The following ROBO4 variants were observed in gnomAD, a reference collection of about 807,000 sequenced individuals.
The protein encoded by ROBO4 is roundabout guidance receptor 4, also known as roundabout homolog 4.
Under a neutral mutation model 103.3 loss-of-function variants are expected in ROBO4, and 80 were observed. That is an observed-to-expected ratio of 0.77 (90% CI 0.65 to 0.93). The LOEUF (loss-of-function observed/expected upper bound fraction) is 0.93, where lower values mean the gene tolerates loss of function less well. Among genes scored for constraint, ROBO4 ranks in the 40% least tolerant of loss-of-function variants. ROBO4 has a pLI of 0.00. For synonymous variants in ROBO4, 504 were observed against 529.7 expected (o/e 0.95, Z 0.67); for missense variants, 1,333 against 1,305.3 (o/e 1.02, Z -0.33).
At chr11:124,896,051 C>T (rs1946883336) in intron 4 of ROBO4, 139 bp from the exon 5 acceptor site, 4 of 1,521,690 alleles carry the variant, frequency 2.6e-6, no homozygotes, top group Middle Eastern at 2.0e-4. Context: ...CCGATTTCTA[C>T]TCTAGCAGGG....
At position 124,891,740 on chromosome 11, in the gene ROBO4, T is replaced by C. The variant is rs760390379; in HGVS notation, c.1610A>G (p.Asp537Gly). 9.9e-6 allele frequency: 16 copies of C among 1,613,932 alleles called. No homozygotes were observed. The Admixed American group carries it at 2.2e-4, about 22-fold the overall frequency. Residue 537 changes from aspartate (D) to glycine (G), a missense_variant, in exon 11 of 18, where the codon GAC becomes GGC. By Grantham distance (94) the Asp-to-Gly change is moderately conservative. Transcript: ENST00000306534. ...DTWRSTSGSRDLSSSSSLSSR... is the reference protein window; with the variant it reads ...DTWRSTSGSRGLSSSSSLSSR... ...GCTGAGGCTGCTGCTGCTGCTCAGG[T>C]CCCGAGAGCCAGAGGTGGAACGCCA...
Position 124,895,793 on chromosome 11 carries a change from T to A in ROBO4, c.799A>T (p.Ser267Cys). 6.2e-7 allele frequency: 1 copy of A among 1,614,158 alleles called. No homozygotes were observed. Among genetic ancestry groups the A allele is most frequent in the Non-Finnish European group, 8.5e-7 (1 of 1,180,028 alleles). ...GPKPRPAVWL[S>C]WKVSGPAAPA... The stretch of plus-strand genomic sequence containing the variant: ...TAGCACCTGGTCCTCACCTTCCAGC[T>A]GAGCCACACCGCCGGTCTAGGCTTG... The change falls in exon 5 of 18, where the codon AGC becomes TGC. Residue 267 changes from serine (S) to cysteine (C), a missense_variant. Ser to Cys is a moderately radical substitution (Grantham distance 112). Coordinates refer to ENST00000306534, the MANE Select transcript of ROBO4 (RefSeq NM_019055.6).
rs76724653 is a variant in ROBO4 at position 124,895,765 on chromosome 11, C to G, written c.807+20G>C. 1.9e-5 allele frequency: 30 copies of G among 1,614,036 alleles called. No individual in the cohort carries two copies. In the African/African-American group the frequency reaches 3.7e-4, roughly 20 times the overall value. On this transcript the variant is annotated intron_variant, in intron 5 of 17. Coordinates refer to ENST00000306534, the MANE Select transcript of ROBO4 (RefSeq NM_019055.6). The stretch of plus-strand genomic sequence containing the variant: ...TCTTGAGCTCTGGATCGGCTTTTAC[C>G]CTTAGCACCTGGTCCTCACCTTCCA...
Position 124,891,712 on chromosome 11 carries a change from A to ACTGCTGAGG in ROBO4, c.1629_1637dup (p.Leu544_Ser546dup), listed in dbSNP as rs1157361336. 1 of 1,614,122 alleles carries ACTGCTGAGG rather than the reference A, an allele frequency of 6.2e-7. No homozygotes were observed. Among genetic ancestry groups the ACTGCTGAGG allele is most frequent in the Admixed American group, 1.7e-5 (1 of 60,024 alleles). On this transcript the variant is annotated inframe_insertion, in exon 11 of 18. Transcript: ENST00000306534. ...GGTCCCGGGCATCCGCCCCCAGCCG[A>ACTGCTGAGG]CTGCTGAGGCTGCTGCTGCTGCTCA... is the stretch of plus-strand genomic sequence containing the variant.
intron 12 of ROBO4, among the ~76,000 whole-genome samples, chr11:124,889,513 T>C (rs1946769651): frequency 6.6e-6 from 1 of 152,204 alleles, no homozygotes. Context: ...AAAAATGTTA[T>C]CAAGGTGAAA....
intron 17 of ROBO4, 61 bp from the exon 18 acceptor site, chr11:124,884,974 C>A (rs1946687104): frequency 6.2e-7 from 1 of 1,612,524 alleles, no homozygotes; most frequent in Admixed American, 1.7e-5. Flanking sequence ...GCCAGGCTTC[C>A]TCCTGGCTTC....
intron 7 of ROBO4, among the ~76,000 whole-genome samples, chr11:124,894,721 A>G (rs1180520023): frequency 6.6e-6 from 1 of 152,204 alleles, no homozygotes; most frequent in Non-Finnish European, 1.5e-5. Flanking sequence ...TTGTATTCCT[A>G]ACAAGGTCCT....
At chr11:124,894,137 C>G in intron 8 of ROBO4, 64 bp downstream of exon 8, 2 of 1,561,022 alleles carry the variant, frequency 1.3e-6, no homozygotes, top group South Asian at 2.4e-5. Context: ...GAGGCGGGAG[C>G]AGGGAGAGAG....
Position 124,887,765 on chromosome 11 carries a change from T to C in ROBO4, c.2024A>G (p.Asn675Ser), listed in dbSNP as rs1946739667. 2 of 1,613,994 alleles carry C rather than the reference T, an allele frequency of 1.2e-6. No individual in the cohort carries two copies. Among genetic ancestry groups the C allele is most frequent in the Middle Eastern group, 3.3e-4 (2 of 6,056 alleles). Residue 675 changes from asparagine to serine, a missense_variant, in exon 13 of 18, where the codon AAT becomes AGT. Coordinates refer to ENST00000306534, the MANE Select transcript of ROBO4 (RefSeq NM_019055.6). ...SLELRACELG[N>S]RGSKNLSQSP... ...TTGGGAAAGGTTCTTGGAACCTCTA[T>C]TTCCTAACTCACAGGCCCGGAGCTC... is the stretch of plus-strand genomic sequence containing the variant.
rs1946851069 is a variant in ROBO4 at position 124,894,527 on chromosome 11, G to A, written c.1150-158C>T. On this transcript the variant is annotated intron_variant, in intron 7 of 17. Coordinates refer to ENST00000306534, the MANE Select transcript of ROBO4 (RefSeq NM_019055.6). Reference sequence around the variant, plus strand: ...ATTCCCCTCCTATTCTCCCTACCAAGTGAGAGATACCTCTCTCTAGATCAA... The same window carrying A: ...ATTCCCCTCCTATTCTCCCTACCAAATGAGAGATACCTCTCTCTAGATCAA... 25 of 647,946 alleles carry A rather than the reference G, an allele frequency of 3.9e-5. No homozygotes were observed. The South Asian group carries it at 5.0e-4, about 13-fold the overall frequency. The allele number at this position is 647,946 out of a possible 1,614,324, so 40.1% of individuals were successfully genotyped here.
At chr11:124,897,665 C>A (rs1946921316) in intron 1 of ROBO4, 61 bp downstream of exon 1, 2 of 1,501,352 alleles carry the variant, frequency 1.3e-6, no homozygotes, top group East Asian at 4.5e-5. Context: ...CAGCAGGCCC[C>A]TTCTGCCCTG....
rs1202507925 is a variant in ROBO4 at position 124,886,622 on chromosome 11, G to A, written c.2636C>T (p.Ser879Leu). Reference protein sequence around the residue: ...SEGSLANGWGSASEDNAASAR... With the variant: ...SEGSLANGWGLASEDNAASAR... ...GCTGGCGGCATTGTCCTCAGAGGCT[G>A]AGCCCCAACCATTGGCTAAGGAGCC... The change falls in exon 16 of 18, where the codon TCA becomes TTA. Residue 879 changes from serine (S) to leucine (L), a missense_variant. Physicochemically the swap from Ser to Leu is moderately radical, Grantham distance 145. Transcript: ENST00000306534. The A allele has an allele frequency of 6.2e-7, 1 of 1,614,164 alleles. No individual in the cohort carries two copies. Among genetic ancestry groups the A allele is most frequent in the Admixed American group, 1.7e-5 (1 of 60,028 alleles).
At chr11:124,896,888 C>T (rs1437307559) in intron 2 of ROBO4, 44 bp downstream of exon 2, 1 of 1,585,814 alleles carries the variant, frequency 6.3e-7, no homozygotes, top group South Asian at 1.1e-5. Flanking sequence ...CAGATGTCTC[C>T]ACCCAGGTTT....
chr11:124,896,147 C>T (rs780502845), intron 4 of ROBO4, 51 bp downstream of exon 4: 11 of 1,602,566 alleles, frequency 6.9e-6, no homozygotes, highest in Middle Eastern at 1.7e-4. Flanking sequence ...ATACACCACC[C>T]CAACTGGAGC....
Position 124,897,029 on chromosome 11 carries a change from A to G in ROBO4, c.303T>C (p.Asp101=). ...CCAGGTCTGTGGACAGGGCCTGGCC[A>G]TCGTGGGCATGTCCCCGGGCAGGGG... ...LQPPARGHAH[D]GQALSTDLGV... Residue 101 remains aspartate (D), a synonymous_variant, in exon 2 of 18, where the codon GAT becomes GAC. Transcript: ENST00000306534. The G allele has an allele frequency of 2.5e-6, 4 of 1,613,952 alleles. No individual in the cohort carries two copies. Among genetic ancestry groups the G allele is most frequent in the Non-Finnish European group, 3.4e-6 (4 of 1,179,928 alleles).
Position 124,891,299 on chromosome 11 carries a change from C to T in ROBO4, c.1948G>A (p.Glu650Lys), listed in dbSNP as rs570388613. The T allele has an allele frequency of 5.9e-6, 9 of 1,517,556 alleles. No individual in the cohort carries two copies. In the African/African-American group the frequency reaches 7.0e-5, roughly 12 times the overall value. The allele number at this position is 1,517,556 out of a possible 1,614,324, so 94.0% of individuals were successfully genotyped here. A position where few individuals can be genotyped will look rare whatever the true frequency, so the allele number is the denominator to read the frequency against. The change falls in exon 12 of 18, where the codon GAG (glutamate) becomes AAG (lysine). Residue 650 changes from glutamate (E) to lysine (K), a missense_variant and splice_region_variant. Physicochemically the swap from Glu to Lys is moderately conservative, Grantham distance 56. Transcript: ENST00000306534. ...AEAWKAKKKQELQHANSSPLL... is the reference protein window; with the variant it reads ...AEAWKAKKKQKLQHANSSPLL... ...CTATGTCTATTCTCCCCCTCCTTAC[C>T]CTGCTTCTTTTTGGCCTTCCAAGCC...
rs751384907 is a variant in ROBO4 at position 124,895,924 on chromosome 11, A to T, written c.680-12T>A. ...GTAGTCCTGGGGCTCTGTGGGGAGG[A>T]TAGGGCTGGGCTGGGGCTTATAGGC... On this transcript the variant is annotated splice_polypyrimidine_tract_variant and intron_variant, in intron 4 of 17. Transcript: ENST00000306534. 71 of 1,612,942 alleles carry T rather than the reference A, an allele frequency of 4.4e-5. 3 individuals are homozygous for T. In the Admixed American group the frequency reaches 1.1e-3, roughly 25 times the overall value.
In ROBO4 at chr11:124,895,815, C is replaced by A; in HGVS notation, c.777G>T (p.Lys259Asn). Residue 259 changes from lysine (K) to asparagine (N), a missense_variant, in exon 5 of 18, where the codon AAG becomes AAT. Physicochemically the swap from Lys to Asn is moderately conservative, Grantham distance 94 (BLOSUM62 0). Coordinates refer to ENST00000306534, the MANE Select transcript of ROBO4 (RefSeq NM_019055.6). ...LLNPDPAEGP[K>N]PRPAVWLSWK... ...AGCTGAGCCACACCGCCGGTCTAGG[C>A]TTGGGGCCCTCTGCAGGATCCGGGT... 6.2e-7 allele frequency: 1 copy of A among 1,614,152 alleles called. No homozygotes were observed. The highest frequency in any genetic ancestry group is 8.5e-7 in the Non-Finnish European group (1 of 1,180,028).
chr11:124,896,174 A>C, intron 4 of ROBO4, 24 bp downstream of exon 4: 1 of 1,611,986 alleles, frequency 6.2e-7, no homozygotes, highest in Non-Finnish European at 8.5e-7. Flanking sequence ...CCTGGCTCTG[A>C]TTGTAGCCCA....
Sources: allele counts gnomAD v4.1 joint callset (sites outside exome capture counted in the v4.1 genomes callset), GRCh38; gene constraint gnomAD v4.1.1; transcripts MANE v1.5; gene names NCBI Gene and HGNC (gene_info 2026-07-23, HGNC 2026-07-21).